The following SLC19A2 variants were observed in gnomAD, a reference collection of about 807,000 sequenced individuals.
SLC19A2 encodes the protein thiamine transporter 1.
Under a neutral mutation model 44.7 loss-of-function variants are expected in SLC19A2, and 27 were observed. That is an observed-to-expected ratio of 0.60 (90% confidence interval 0.45 to 0.83). The LOEUF (loss-of-function observed/expected upper bound fraction) is 0.83, where lower values mean the gene tolerates loss of function less well. Among genes scored for constraint, SLC19A2 ranks in the 40% least tolerant of loss-of-function variants. The probability of loss-of-function intolerance (pLI) is 0.00; values close to 1 mark genes in which losing one functional copy is unlikely to be tolerated. For synonymous variants in SLC19A2, 239 were observed against 243.6 expected (o/e 0.98, Z 0.18); for missense variants, 566 against 613.7 (o/e 0.92, Z 0.82).
At chr1:169,474,781 C>G (rs976004277) in intron 2 of SLC19A2, among the ~76,000 whole-genome samples, 1 of 152,062 alleles carries the variant, frequency 6.6e-6, no homozygotes, top group Non-Finnish European at 1.5e-5. Flanking sequence ...AAAACAGCAG[C>G]ATTTTAGGGC....
rs1657938102 is a variant in SLC19A2 at position 169,464,327 on chromosome 1, T to G, written c.*1522A>C. ...AACAGACAGAATGTAAAATGAAGGT[T>G]GCTACTTTTATGATATCACTTCCCT... On this transcript the variant is annotated 3_prime_UTR_variant, in exon 6 of 6. Coordinates refer to ENST00000236137, the MANE Select transcript of SLC19A2 (RefSeq NM_006996.3). 6.6e-6 allele frequency: 1 copy of G among 152,524 alleles called. No individual in the cohort carries two copies. Among genetic ancestry groups the G allele is most frequent in the Non-Finnish European group, 1.5e-5 (1 of 68,006 alleles). The allele number at this position is 152,524 out of a possible 1,614,324, so 9.4% of individuals were successfully genotyped here. A position where few individuals can be genotyped will look rare whatever the true frequency, so the allele number is the denominator to read the frequency against.
intron 2 of SLC19A2, among the ~76,000 whole-genome samples, chr1:169,471,713 CACCA>C (rs1229026435): frequency 1.2e-5 from 1 of 85,980 alleles, no homozygotes; most frequent in Non-Finnish European, 2.3e-5. Context: ...TATACACACA[CACCA>C]TATATATCAT....
intron 1 of SLC19A2, among the ~76,000 whole-genome samples, chr1:169,481,364 C>T (rs931826511): frequency 2.0e-5 from 3 of 152,218 alleles, no homozygotes; most frequent in African/African-American, 7.2e-5. Context: ...CACTAAAATG[C>T]CTGGTTTCTT....
intron 1 of SLC19A2, among the ~76,000 whole-genome samples, 197 bp from the exon 2 acceptor site, chr1:169,477,954 T>C (rs1273371295): frequency 6.6e-6 from 1 of 152,200 alleles, no homozygotes; most frequent in Non-Finnish European, 1.5e-5. Context: ...GCGCCCAGGC[T>C]GGAGTGCAGT....
At chr1:169,485,444 CA>C in intron 1 of SLC19A2, 118 bp downstream of exon 1, 4 of 1,197,144 alleles carry the variant, frequency 3.3e-6, no homozygotes, top group Non-Finnish European at 4.8e-6. Flanking sequence ...CTCCAACTGG[CA>C]AAATCAGAAA....
In SLC19A2 at chr1:169,477,483, T is replaced by C. The variant is rs756308039; in HGVS notation, c.479A>G (p.Tyr160Cys). The C allele has an allele frequency of 7.9e-5, 127 of 1,614,018 alleles. No individual in the cohort carries two copies. Among genetic ancestry groups the C allele is most frequent in the Non-Finnish European group, 1.0e-4 (120 of 1,180,022 alleles). ...DLGMYQKVTS[Y>C]CRSATLVGFT... ...GCCCACCAAAGTGGCACTTCGACAG[T>C]AACTTGTGACTTTCTGGTACATGCC... Residue 160 changes from tyrosine to cysteine, a missense_variant, in exon 2 of 6, where the codon TAC (tyrosine) becomes TGC (cysteine). Physicochemically the swap from Tyr to Cys is radical, Grantham distance 194 (BLOSUM62 -2). Transcript: ENST00000236137.
chr1:169,475,002 A>G (rs1182000008), intron 2 of SLC19A2, among the ~76,000 whole-genome samples: 1 of 152,212 alleles, frequency 6.6e-6, no homozygotes, highest in African/African-American at 2.4e-5. Flanking sequence ...GTTCAAGAGT[A>G]TATTTGTACA....
At chr1:169,467,150 C>T (rs1259047407) in intron 5 of SLC19A2, among the ~76,000 whole-genome samples, 7 of 152,176 alleles carry the variant, frequency 4.6e-5, no homozygotes, top group Non-Finnish European at 1.0e-4. Context: ...TGGGAACTCT[C>T]CCTTATACAG....
At chr1:169,478,151 C>T (rs1658368708) in intron 1 of SLC19A2, among the ~76,000 whole-genome samples, 1 of 151,912 alleles carries the variant, frequency 6.6e-6, no homozygotes, top group East Asian at 1.9e-4. Flanking sequence ...AAATGAGGAG[C>T]CTCCCAAAGC....
intron 2 of SLC19A2, among the ~76,000 whole-genome samples, chr1:169,471,583 T>C (rs1322794783): frequency 6.8e-6 from 1 of 147,778 alleles, no homozygotes; most frequent in East Asian, 2.0e-4. Context: ...GAGGATCACT[T>C]GAACCTAGAA....
chr1:169,484,146 T>G (rs1373535470), intron 1 of SLC19A2, among the ~76,000 whole-genome samples: 1 of 152,216 alleles, frequency 6.6e-6, no homozygotes, highest in Admixed American at 6.5e-5. Context: ...TGATACTTGC[T>G]AGAAGTGAAC....
In SLC19A2 at chr1:169,485,776, G is replaced by A; in HGVS notation, c.-10C>T. 6.5e-7 allele frequency: 1 copy of A among 1,527,050 alleles called. No individual in the cohort carries two copies. Among genetic ancestry groups the A allele is most frequent in the Admixed American group, 2.0e-5 (1 of 49,696 alleles). The allele number at this position is 1,527,050 out of a possible 1,614,324, so 94.6% of individuals were successfully genotyped here. On this transcript the variant is annotated 5_prime_UTR_variant, in exon 1 of 6. Coordinates refer to ENST00000236137, the MANE Select transcript of SLC19A2 (RefSeq NM_006996.3). ...GGCCGGGCACATCCATCCGGGGCGC[G>A]AGGGGAGGGGACCCGGCCCGGCCCC... is the stretch of plus-strand genomic sequence containing the variant.
At chr1:169,472,318 C>T (rs765626512) in intron 2 of SLC19A2, among the ~76,000 whole-genome samples, 8 of 152,064 alleles carry the variant, frequency 5.3e-5, no homozygotes, top group African/African-American at 1.9e-4. Context: ...TGGAAAACAA[C>T]TGGGATATCT....
At chr1:169,479,998 G>C (rs1275151267) in intron 1 of SLC19A2, among the ~76,000 whole-genome samples, 2 of 152,194 alleles carry the variant, frequency 1.3e-5, no homozygotes, top group Non-Finnish European at 2.9e-5. Context: ...AGACAAAAGT[G>C]ATCTGTTTAA....
At position 169,485,761 on chromosome 1, in the gene SLC19A2, A is replaced by T. The variant is rs1160824635; in HGVS notation, c.6T>A (p.Asp2Glu). The stretch of plus-strand genomic sequence containing the variant: ...CCCGCCGAGACACCGGGCCGGGCAC[A>T]TCCATCCGGGGCGCGAGGGGAGGGG... M[D>E]VPGPVSRRAA... Residue 2 changes from aspartate (D) to glutamate (E), a missense_variant, in exon 1 of 6, where the codon GAT becomes GAA. Transcript: ENST00000236137. The T allele has an allele frequency of 1.4e-5, 21 of 1,532,406 alleles. No homozygotes were observed. The highest frequency in any genetic ancestry group is 1.7e-5 in the Non-Finnish European group (20 of 1,144,248). The allele number at this position is 1,532,406 out of a possible 1,614,324, so 94.9% of individuals were successfully genotyped here.
intron 5 of SLC19A2, among the ~76,000 whole-genome samples, chr1:169,466,205 T>A (rs1056377414): frequency 2.0e-5 from 3 of 152,232 alleles, no homozygotes; most frequent in African/African-American, 7.2e-5. Flanking sequence ...TGAACTTGAT[T>A]GAGATACTTC....
chr1:169,485,474 C>CT, intron 1 of SLC19A2, 89 bp downstream of exon 1: 1 of 1,401,198 alleles, frequency 7.1e-7, no homozygotes. Flanking sequence ...GAGAATGGCT[C>CT]GAGCGCTTTT....
chr1:169,473,588 C>T (rs751174181), intron 2 of SLC19A2, among the ~76,000 whole-genome samples: 2 of 151,796 alleles, frequency 1.3e-5, no homozygotes, highest in East Asian at 2.0e-4. Context: ...TGTGCCTTTG[C>T]GCAAGTCAGT....
chr1:169,469,452 C>T (rs185230059), intron 3 of SLC19A2, among the ~76,000 whole-genome samples: 101 of 152,304 alleles, frequency 6.6e-4, no homozygotes, highest in Non-Finnish European at 1.2e-3. Context: ...GACTTTACTA[C>T]TTACCATCCA....
Sources: gnomAD v4.1 joint callset for allele counts (sites outside exome capture counted in the v4.1 genomes callset) on GRCh38, gnomAD v4.1.1 for gene constraint, MANE v1.5 for transcripts, NCBI Gene and HGNC (gene_info 2026-07-23, HGNC 2026-07-21) for gene names.